The following STAT4 variants were observed in gnomAD, a reference collection of about 807,000 sequenced individuals.
The protein encoded by STAT4 is signal transducer and activator of transcription 4.
A neutral mutation model predicts 110.5 loss-of-function variants in STAT4; 42 were observed. That is an observed-to-expected ratio of 0.38 (90% CI 0.30 to 0.49). STAT4 has a LOEUF of 0.49. Ranked by LOEUF, STAT4 falls within the 20% of genes least tolerant of loss-of-function variation. The pLI, the probability that STAT4 is intolerant of heterozygous loss-of-function variation, is 0.95. For synonymous variants in STAT4, 284 were observed against 302.2 expected, an observed-to-expected ratio of 0.94 and a Z score of 0.63; for missense variants, 632 against 887.9, an observed-to-expected ratio of 0.71 and a Z score of 3.66.
At position 191,029,673 on chromosome 2, in the gene STAT4, T is replaced by A. The variant is rs1430349975; in HGVS notation, c.*167A>T. ...GTTTCAAGCATTTCAGTCACAACAC[T>A]CCCAATTGAGGAGTGCCACGGGAGT... On this transcript the variant is annotated 3_prime_UTR_variant, in exon 24 of 24. Transcript: ENST00000392320. The surrounding 1 kb of genome is among the most constrained non-coding windows in gnomAD (Gnocchi z 4.5). 1 of 641,476 alleles carries A rather than the reference T, an allele frequency of 1.6e-6. No homozygotes were observed. The allele number at this position is 641,476 out of a possible 1,614,324, so 39.7% of individuals were successfully genotyped here. A position where few individuals can be genotyped will look rare whatever the true frequency, so the allele number is the denominator to read the frequency against.
At chr2:191,034,171 C>T (rs529980836) in intron 18 of STAT4, among the ~76,000 whole-genome samples, 166 bp from the exon 19 acceptor site, 2 of 152,136 alleles carry the variant, frequency 1.3e-5, no homozygotes, top group South Asian at 2.1e-4. Flanking sequence ...GCCTGTAATC[C>T]CAGCACTTTG....
intron 3 of STAT4, 46 bp from the exon 4 acceptor site, chr2:191,076,371 A>G (rs1559056003): frequency 7.3e-7 from 1 of 1,363,634 alleles, no homozygotes; most frequent in Non-Finnish European, 1.0e-6. Flanking sequence ...TAAAGCTTAA[A>G]TATATGTATC....
At chr2:191,065,790 T>G (rs1305743871) in intron 7 of STAT4, among the ~76,000 whole-genome samples, 2 of 152,300 alleles carry the variant, frequency 1.3e-5, no homozygotes, top group Middle Eastern at 3.4e-3. Context: ...GAGCCGAACT[T>G]TTAGAAATGA....
In STAT4 at chr2:191,064,863, C is replaced by T. The variant is rs1696944939; in HGVS notation, c.726G>A (p.Gln242=). ...IEELQDWKRR[Q]QIACIGGPLH... ...GTGGACCCCCGATGCAGGCGATTTG[C>T]TGCCGCCGCTTCCAGTCTTGCAGCT... is the stretch of plus-strand genomic sequence containing the variant. Residue 242 remains glutamine (Q), a synonymous_variant, in exon 8 of 24, where the codon CAG becomes CAA. Transcript: ENST00000392320. 5.0e-6 allele frequency: 8 copies of T among 1,613,262 alleles called. No individual in the cohort carries two copies. The East Asian group carries it at 1.8e-4, about 36-fold the overall frequency.
In STAT4 at chr2:191,143,701, T is replaced by A. The variant is rs1699390989; in HGVS notation, c.273+2912A>T. ...TATCATATTGTTTACTCCTTTTTGCTGTAATTGTCAACATGGTTTGTATTT... is the reference window on the plus strand; with the variant it reads ...TATCATATTGTTTACTCCTTTTTGCAGTAATTGTCAACATGGTTTGTATTT... On this transcript the variant is annotated intron_variant, in intron 3 of 23. Coordinates refer to ENST00000392320, the MANE Select transcript of STAT4 (RefSeq NM_003151.4). This position sits in a 1 kb window ranked among gnomAD's most constrained non-coding sequence, Gnocchi z 5.6. Among the ~76,000 whole-genome samples the A allele has an allele frequency of 6.6e-6, 1 of 152,210 alleles. No individual in the cohort carries two copies. Among genetic ancestry groups the A allele is most frequent in the Non-Finnish European group, 1.5e-5 (1 of 68,030 alleles).
intron 3 of STAT4, among the ~76,000 whole-genome samples, chr2:191,130,349 AG>A (rs1394082572): frequency 6.6e-6 from 1 of 151,118 alleles, no homozygotes; most frequent in Non-Finnish European, 1.5e-5. Flanking sequence ...CAGCCTCCCA[AG>A]TAGCTTGGAC....
intron 3 of STAT4, chr2:191,131,799 C>G: frequency 7.3e-7 from 1 of 1,362,428 alleles, no homozygotes; most frequent in Non-Finnish European, 9.5e-7. Context: ...ATCTGAATGT[C>G]CCAGGTGAAG....
rs1695879804 is a variant in STAT4 at position 191,031,105 on chromosome 2, TG to T, written c.2112-26del. ...GCTTAAAGAGATAACAAGGTCAATATGGACAAGGATTAAAAAATAATAATAG... is the reference window on the plus strand; with the variant it reads ...GCTTAAAGAGATAACAAGGTCAATATGACAAGGATTAAAAAATAATAATAG... On this transcript the variant is annotated intron_variant, in intron 22 of 23. Transcript: ENST00000392320. The surrounding 1 kb of genome is among the most constrained non-coding windows in gnomAD (Gnocchi z 4.8). 6.2e-7 allele frequency: 1 copy of T among 1,605,136 alleles called. No homozygotes were observed. Among genetic ancestry groups the T allele is most frequent in the African/African-American group, 1.3e-5 (1 of 74,682 alleles).
At chr2:191,048,653 G>A (rs1330116151) in intron 14 of STAT4, among the ~76,000 whole-genome samples, 1 of 151,544 alleles carries the variant, frequency 6.6e-6, no homozygotes, top group African/African-American at 2.4e-5. Context: ...GGGCATGGTG[G>A]CGGGCGCTTG....
intron 3 of STAT4, among the ~76,000 whole-genome samples, chr2:191,134,500 G>A (rs1699126191): frequency 6.6e-6 from 1 of 152,128 alleles, no homozygotes; most frequent in South Asian, 2.1e-4. Context: ...GGCCCACCTG[G>A]TGTCCTAGTC....
rs148516317 is a variant in STAT4, at chr2:191,143,431, G to A, written c.273+3182C>T. Among the ~76,000 whole-genome samples the A allele has an allele frequency of 1.6e-3, 251 of 152,246 alleles. No individual in the cohort carries two copies. The highest frequency in any genetic ancestry group is 5.7e-3 in the African/African-American group (235 of 41,532). ...GGATTCAAGTAACCCTTGCTCCTGG[G>A]TGTGAGTCTGCCTCCCCTTAAATAG... On this transcript the variant is annotated intron_variant, in intron 3 of 23. Transcript: ENST00000392320. This position sits in a 1 kb window ranked among gnomAD's most constrained non-coding sequence, Gnocchi z 5.6.
At chr2:191,127,491 T>G (rs1698912368) in intron 3 of STAT4, among the ~76,000 whole-genome samples, 1 of 152,216 alleles carries the variant, frequency 6.6e-6, no homozygotes, top group African/African-American at 2.4e-5. Flanking sequence ...CTTACCACAC[T>G]ACATCATAAA....
In STAT4 at chr2:191,090,015, A is replaced by G. The variant is rs1216415378; in HGVS notation, c.274-13690T>C. 6.6e-6 allele frequency among the ~76,000 whole-genome samples: 1 copy of G among 152,174 alleles called. No homozygotes were observed. Among genetic ancestry groups the G allele is most frequent in the South Asian group, 2.1e-4 (1 of 4,838 alleles). On this transcript the variant is annotated intron_variant, in intron 3 of 23. Transcript: ENST00000392320. This position sits in a 1 kb window ranked among gnomAD's most constrained non-coding sequence, Gnocchi z 4.2. ...TGATATTACACATTTGATAAAACAC[A>G]TAGAACATATAGTGAGCCCTAATGT...
intron 3 of STAT4, among the ~76,000 whole-genome samples, chr2:191,127,547 A>G (rs1191887141): frequency 6.6e-6 from 1 of 152,210 alleles, no homozygotes; most frequent in East Asian, 1.9e-4. Context: ...AACTCTTTCA[A>G]CATAAGAATT....
At chr2:191,141,368 T>G (rs1311710826) in intron 3 of STAT4, among the ~76,000 whole-genome samples, 1 of 150,074 alleles carries the variant, frequency 6.7e-6, no homozygotes, top group African/African-American at 2.4e-5. Context: ...TTAAAATGGT[T>G]ATTTTATACA....
At chr2:191,064,773 G>GT (rs1445305450) in intron 8 of STAT4, 34 bp downstream of exon 8, 1 of 1,596,548 alleles carries the variant, frequency 6.3e-7, no homozygotes, top group Non-Finnish European at 8.5e-7. Flanking sequence ...GTTTCCTGTG[G>GT]TTTTCACTAG....
chr2:191,131,895 TG>T, intron 3 of STAT4: 1 of 1,428,602 alleles, frequency 7.0e-7, no homozygotes, highest in Non-Finnish European at 9.2e-7. Context: ...TAGCCAACCC[TG>T]GGGACTAAAG....
chr2:191,069,670 T>C (rs750401405), intron 6 of STAT4, 23 bp downstream of exon 6: 8 of 1,586,580 alleles, frequency 5.0e-6, no homozygotes, highest in Non-Finnish European at 6.9e-6. Flanking sequence ...CTATGCATAA[T>C]TATAGAAAAA....
chr2:191,047,590 A>T (rs114469065), intron 14 of STAT4, among the ~76,000 whole-genome samples: 4,583 of 152,236 alleles, frequency 0.03, 226 homozygotes, highest in African/African-American at 0.1. Context: ...GGAGGTATGG[A>T]GAGTAAGAGT....
Sources: gnomAD v4.1 joint callset for allele counts (sites outside exome capture counted in the v4.1 genomes callset) on GRCh38, gnomAD v4.1.1 for gene constraint, Gnocchi (gnomAD v3.1) non-coding constraint, MANE v1.5 for transcripts, NCBI Gene and HGNC (gene_info 2026-07-23, HGNC 2026-07-21) for gene names.